OR14C36: variants seen among roughly 807,000 people sequenced by gnomAD.
OR14C36 encodes the protein olfactory receptor family 14 subfamily C member 36, also known as olfactory receptor 14C36.
For synonymous variants in OR14C36, 142 were observed against 146.8 expected, an observed-to-expected ratio of 0.97 and a Z score of 0.24; for missense variants, 404 against 384.8, an observed-to-expected ratio of 1.05 and a Z score of -0.42.
At position 248,349,053 on chromosome 1, in the gene OR14C36, G is replaced by A. The variant is rs146830794; in HGVS notation, c.279G>A (p.Ala93=). The A allele has an allele frequency of 1.2e-4, 195 of 1,613,558 alleles. No homozygotes were observed. The highest frequency in any genetic ancestry group is 1.5e-4 in the Non-Finnish European group (181 of 1,179,938). Residue 93 remains alanine (A), a synonymous_variant, in exon 1 of 1, where the codon GCG becomes GCA. Transcript: ENST00000317861. ...TGGACAGCACCACCATTTCTAAGGC[G>A]GGATGTGTAGCTCAGGTCTTCCTCG... ...SLLDSTTISK[A]GCVAQVFLVV...
At position 248,348,941 on chromosome 1, in the gene OR14C36, C is replaced by G. The variant is rs567959725; in HGVS notation, c.167C>G (p.Pro56Arg). ...ACCTGTGACAGCAGCCTTCACATGC[C>G]CATGTACTTCTTCCTCAGGAATCTG... ...VTTCDSSLHM[P>R]MYFFLRNLSI... Residue 56 changes from proline (P) to arginine (R), a missense_variant, in exon 1 of 1, where the codon CCC becomes CGC. By Grantham distance (103) the Pro-to-Arg change is moderately radical (BLOSUM62 -2). Coordinates refer to ENST00000317861, the MANE Select transcript of OR14C36 (RefSeq NM_001001918.1). The G allele has an allele frequency of 2.5e-6, 4 of 1,613,504 alleles. No homozygotes were observed. Among genetic ancestry groups the G allele is most frequent in the Non-Finnish European group, 3.4e-6 (4 of 1,179,948 alleles).
rs201386172 is a variant in OR14C36 at position 248,349,429 on chromosome 1, A to G, written c.655A>G (p.Ile219Val). ...CTTTATCATCAGGTCTTACATTCAC[A>G]TCTTTTCGACCGTGCTCGGGTTTCC... ...FIFIIRSYIH[I>V]FSTVLGFPRG... Residue 219 changes from isoleucine (I) to valine (V), a missense_variant, in exon 1 of 1, where the codon ATC becomes GTC. Coordinates refer to ENST00000317861, the MANE Select transcript of OR14C36 (RefSeq NM_001001918.1). The G allele has an allele frequency of 6.2e-7, 1 of 1,613,940 alleles. No individual in the cohort carries two copies.
In OR14C36 at chr1:248,349,144, G is replaced by A. The variant is rs930071543; in HGVS notation, c.370G>A (p.Val124Ile). Residue 124 changes from valine to isoleucine, a missense_variant, in exon 1 of 1, where the codon GTC (valine) becomes ATC (isoleucine). Coordinates refer to ENST00000317861, the MANE Select transcript of OR14C36 (RefSeq NM_001001918.1). ...TATGGCTCATGACCGCTATGTGGCT[G>A]TCTGCCAGCCACTTCACTACCCTGT... ...TIMAHDRYVA[V>I]CQPLHYPVIV... The A allele has an allele frequency of 1.9e-6, 3 of 1,613,850 alleles. No individual in the cohort carries two copies. The Admixed American group carries it at 5.0e-5, about 27-fold the overall frequency.
Position 248,348,825 on chromosome 1 carries a change from T to C in OR14C36, c.51T>C (p.Asp17=), listed in dbSNP as rs751436671. The change falls in exon 1 of 1, where the codon GAT becomes GAC. Residue 17 remains aspartate (D), a synonymous_variant. Coordinates refer to ENST00000317861, the MANE Select transcript of OR14C36 (RefSeq NM_001001918.1). ...AATTTCTCCTCATGAGGTTTTCTGA[T>C]GTGTGGACACTACAGATTTTACATT... ...VMEFLLMRFS[D]VWTLQILHSA... The C allele has an allele frequency of 9.9e-6, 16 of 1,612,186 alleles. No homozygotes were observed. The highest frequency in any genetic ancestry group is 1.3e-5 in the Non-Finnish European group (15 of 1,178,974).
rs150366522 is a variant in OR14C36, at chr1:248,349,173, C to T, written c.399C>T (p.Ile133=). 37 of 1,613,934 alleles carry T rather than the reference C, an allele frequency of 2.3e-5. No individual in the cohort carries two copies. In the African/African-American group the frequency reaches 3.1e-4, roughly 13 times the overall value. Residue 133 remains isoleucine, a synonymous_variant, in exon 1 of 1, where the codon ATC becomes ATT. Transcript: ENST00000317861. ...AVCQPLHYPV[I]VNSRICIQMT... ...GCCAGCCACTTCACTACCCTGTGATCGTGAACTCTCGAATCTGCATCCAGA... is the reference window on the plus strand; with the variant it reads ...GCCAGCCACTTCACTACCCTGTGATTGTGAACTCTCGAATCTGCATCCAGA...
chr1:248,349,115 C>A lies in OR14C36; in HGVS notation c.341C>A (p.Thr114Asn). ...GTATATGTGGAGCTTCTGTTTCTCACCATTATGGCTCATGACCGCTATGTG... is the reference window on the plus strand; with the variant it reads ...GTATATGTGGAGCTTCTGTTTCTCAACATTATGGCTCATGACCGCTATGTG... ...FFVYVELLFL[T>N]IMAHDRYVAV... The change falls in exon 1 of 1, where the codon ACC becomes AAC. Residue 114 changes from threonine (T) to asparagine (N), a missense_variant. Thr to Asn is a moderately conservative substitution (Grantham distance 65). Coordinates refer to ENST00000317861, the MANE Select transcript of OR14C36 (RefSeq NM_001001918.1). 2 of 1,613,874 alleles carry A rather than the reference C, an allele frequency of 1.2e-6. No individual in the cohort carries two copies. The highest frequency in any genetic ancestry group is 1.7e-6 in the Non-Finnish European group (2 of 1,179,960).
the OR14C36 span, chr1:248,348,841 A>AT: frequency 6.2e-7 from 1 of 1,613,558 alleles, no homozygotes; most frequent in Non-Finnish European, 8.5e-7. Flanking sequence ...GACACTACAG[A>AT]TTTTACATTC....
chr1:248,349,090 G>A lies in OR14C36; in HGVS notation c.316G>A (p.Val106Ile). Residue 106 changes from valine (V) to isoleucine (I), a missense_variant, in exon 1 of 1, where the codon GTA (valine) becomes ATA (isoleucine). By Grantham distance (29) the Val-to-Ile change is conservative. Coordinates refer to ENST00000317861, the MANE Select transcript of OR14C36 (RefSeq NM_001001918.1). ...TCAGGTCTTCCTCGTGGTTTTTTTT[G>A]TATATGTGGAGCTTCTGTTTCTCAC... The part of the protein sequence containing the change: ...VAQVFLVVFF[V>I]YVELLFLTIM... 2 of 1,613,510 alleles carry A rather than the reference G, an allele frequency of 1.2e-6. No homozygotes were observed. Among genetic ancestry groups the A allele is most frequent in the Non-Finnish European group, 1.7e-6 (2 of 1,179,842 alleles).
rs200640574 is a variant in OR14C36 at position 248,349,407 on chromosome 1, T to C, written c.633T>C (p.Phe211=). 3 of 1,614,124 alleles carry C rather than the reference T, an allele frequency of 1.9e-6. No homozygotes were observed. In the East Asian group the frequency reaches 6.7e-5, roughly 36 times the overall value. Residue 211 remains phenylalanine, a synonymous_variant, in exon 1 of 1, where the codon TTT becomes TTC. Coordinates refer to ENST00000317861, the MANE Select transcript of OR14C36 (RefSeq NM_001001918.1). ...ALGVGGGCFI[F]IIRSYIHIFS... Reference sequence around the variant, plus strand: ...GGGTAGGTGGCGGCTGTTTCATCTTTATCATCAGGTCTTACATTCACATCT... The same window carrying C: ...GGGTAGGTGGCGGCTGTTTCATCTTCATCATCAGGTCTTACATTCACATCT...
chr1:248,349,565 C>T lies in OR14C36; in HGVS notation c.791C>T (p.Pro264Leu). The T allele has an allele frequency of 6.2e-7, 1 of 1,614,090 alleles. No homozygotes were observed. Among genetic ancestry groups the T allele is most frequent in the East Asian group, 2.2e-5 (1 of 44,886 alleles). The change falls in exon 1 of 1, where the codon CCT becomes CTT. Residue 264 changes from proline to leucine, a missense_variant. Pro to Leu is a moderately conservative substitution (Grantham distance 98). Transcript: ENST00000317861. ...GTGTACCTCAGGCCACCTGCGATAC[C>T]TGCAGCCACCCAGGATCTGATCCTT... ...SSVYLRPPAI[P>L]AATQDLILSG... is the part of the protein sequence containing the mutation.
chr1:248,349,653 G>A lies in OR14C36; in HGVS notation c.879G>A (p.Lys293=), dbSNP rs745395807. ...FNPIIYSLRN[K]QIKVAIKKIM... ...CTATTATTTACAGTCTTAGAAATAA[G>A]CAAATAAAGGTGGCCATCAAGAAAA... Residue 293 remains lysine, a synonymous_variant, in exon 1 of 1, where the codon AAG becomes AAA. Coordinates refer to ENST00000317861, the MANE Select transcript of OR14C36 (RefSeq NM_001001918.1). The A allele has an allele frequency of 6.9e-6, 11 of 1,605,360 alleles. No individual in the cohort carries two copies. Among genetic ancestry groups the A allele is most frequent in the Non-Finnish European group, 6.8e-6 (8 of 1,177,900 alleles).
Position 248,349,684 on chromosome 1 carries a change from A to C in OR14C36, c.910A>C (p.Lys304Gln). 1 of 1,604,978 alleles carries C rather than the reference A, an allele frequency of 6.2e-7. No homozygotes were observed. The highest frequency in any genetic ancestry group is 8.5e-7 in the Non-Finnish European group (1 of 1,176,754). The change falls in exon 1 of 1, where the codon AAG becomes CAG. Residue 304 changes from lysine (K) to glutamine (Q), a missense_variant. By Grantham distance (53) the Lys-to-Gln change is moderately conservative. Transcript: ENST00000317861. Reference sequence around the variant, plus strand: ...AAAGGTGGCCATCAAGAAAATCATGAAGAGAATTTTTTATTCAGAAAATGT... The same window carrying C: ...AAAGGTGGCCATCAAGAAAATCATGCAGAGAATTTTTTATTCAGAAAATGT... ...QIKVAIKKIM[K>Q]RIFYSENV
chr1:248,349,496 C>T lies in OR14C36; in HGVS notation c.722C>T (p.Pro241Leu). 6 of 1,614,074 alleles carry T rather than the reference C, an allele frequency of 3.7e-6. No homozygotes were observed. The highest frequency in any genetic ancestry group is 5.1e-6 in the Non-Finnish European group (6 of 1,179,938). The change falls in exon 1 of 1, where the codon CCT (proline) becomes CTT (leucine). Residue 241 changes from proline (P) to leucine (L), a missense_variant. Physicochemically the swap from Pro to Leu is moderately conservative, Grantham distance 98. Transcript: ENST00000317861. ...DRTKAFSTCI[P>L]HILVVSVFLS... ...ACAAAGGCCTTTTCCACCTGCATCCCTCACATCCTGGTGGTGTCAGTCTTC... is the reference window on the plus strand; with the variant it reads ...ACAAAGGCCTTTTCCACCTGCATCCTTCACATCCTGGTGGTGTCAGTCTTC...
the OR14C36 span, chr1:248,349,359 CA>C: frequency 6.2e-7 from 1 of 1,614,012 alleles, no homozygotes; most frequent in Admixed American, 1.7e-5. Context: ...GCAATGAGGT[CA>C]TGATTGTTGT....
chr1:248,349,266 GC>G, the OR14C36 span: 2 of 1,613,830 alleles, frequency 1.2e-6, no homozygotes, highest in African/African-American at 2.7e-5. Flanking sequence ...CATTCCAGCT[GC>G]CCTTCTGTCG....
chr1:248,349,013 G>A lies in OR14C36; in HGVS notation c.239G>A (p.Cys80Tyr), dbSNP rs1358121124. ...ATTTCTGTTACAGTCCCTACCTCAT[G>A]TGTCAATTCCCTACTGGACAGCACC... ...CYISVTVPTS[C>Y]VNSLLDSTTI... Residue 80 changes from cysteine (C) to tyrosine (Y), a missense_variant, in exon 1 of 1, where the codon TGT (cysteine) becomes TAT (tyrosine). Transcript: ENST00000317861. The A allele has an allele frequency of 6.2e-7, 1 of 1,613,722 alleles. No individual in the cohort carries two copies.
At position 248,349,538 on chromosome 1, in the gene OR14C36, C is replaced by T. The variant is rs1449711605; in HGVS notation, c.764C>T (p.Ser255Phe). ...VVSVFLSSCS[S>F]VYLRPPAIPA... is the part of the protein sequence containing the mutation. ...TCAGTCTTCCTCAGTTCATGCTCTTCTGTGTACCTCAGGCCACCTGCGATA... is the reference window on the plus strand; with the variant it reads ...TCAGTCTTCCTCAGTTCATGCTCTTTTGTGTACCTCAGGCCACCTGCGATA... The change falls in exon 1 of 1, where the codon TCT (serine) becomes TTT (phenylalanine). Residue 255 changes from serine to phenylalanine, a missense_variant. By Grantham distance (155) the Ser-to-Phe change is radical. Transcript: ENST00000317861. 1.9e-6 allele frequency: 3 copies of T among 1,614,030 alleles called. No individual in the cohort carries two copies. The highest frequency in any genetic ancestry group is 1.1e-5 in the South Asian group (1 of 91,094).
rs1660459768 is a variant in OR14C36 at position 248,348,903 on chromosome 1, T to G, written c.129T>G (p.Ile43Met). 6.2e-7 allele frequency: 1 copy of G among 1,613,838 alleles called. No homozygotes were observed. Among genetic ancestry groups the G allele is most frequent in the Non-Finnish European group, 8.5e-7 (1 of 1,179,934 alleles). Residue 43 changes from isoleucine (I) to methionine (M), a missense_variant, in exon 1 of 1, where the codon ATT becomes ATG. Transcript: ENST00000317861. ...TAACTCTAATGGGAAACATCCTCATTGTGACCGTCACCACCTGTGACAGCA... is the reference window on the plus strand; with the variant it reads ...TAACTCTAATGGGAAACATCCTCATGGTGACCGTCACCACCTGTGACAGCA... ...YLVTLMGNILIVTVTTCDSSL... is the reference protein window; with the variant it reads ...YLVTLMGNILMVTVTTCDSSL...
chr1:248,349,116 C>A lies in OR14C36; in HGVS notation c.342C>A (p.Thr114=), dbSNP rs747437056. Residue 114 remains threonine, a synonymous_variant, in exon 1 of 1, where the codon ACC becomes ACA. Coordinates refer to ENST00000317861, the MANE Select transcript of OR14C36 (RefSeq NM_001001918.1). ...FFVYVELLFL[T]IMAHDRYVAV... ...TATATGTGGAGCTTCTGTTTCTCAC[C>A]ATTATGGCTCATGACCGCTATGTGG... The A allele has an allele frequency of 1.2e-6, 2 of 1,613,864 alleles. No individual in the cohort carries two copies. Among genetic ancestry groups the A allele is most frequent in the Admixed American group, 1.7e-5 (1 of 59,958 alleles).
Sources: allele counts gnomAD v4.1 joint callset, GRCh38; gene constraint gnomAD v4.1.1; transcripts MANE v1.5; gene names NCBI Gene and HGNC (gene_info 2026-07-23, HGNC 2026-07-21).